Variants in TLE1 observed in about 807,000 individuals in gnomAD.
TLE1 encodes the protein TLE family member 1, transcriptional corepressor, also known as transducin-like enhancer protein 1.
TLE1 carries 21 observed loss-of-function variants against 89.8 expected under a neutral mutation model. That is an observed-to-expected ratio of 0.23 (90% confidence interval 0.17 to 0.34). The LOEUF (loss-of-function observed/expected upper bound fraction) is 0.34. Among genes scored for constraint, TLE1 ranks in the 10% least tolerant of loss-of-function variants. The probability of loss-of-function intolerance (pLI) is 1.00; values close to 1 mark genes in which losing one functional copy is unlikely to be tolerated. For synonymous variants in TLE1, 447 were observed against 407.6 expected, an observed-to-expected ratio of 1.10 and a Z score of -1.16; for missense variants, 795 against 1,031.2, an observed-to-expected ratio of 0.77 and a Z score of 3.14.
chr9:81,663,115 G>A (rs748185280), intron 4 of TLE1, among the ~76,000 whole-genome samples: 66 of 152,070 alleles, frequency 4.3e-4, no homozygotes, highest in Non-Finnish European at 7.6e-4. Flanking sequence ...CAAAGTGCTG[G>A]GATTACAGGC....
intron 4 of TLE1, among the ~76,000 whole-genome samples, chr9:81,654,351 G>A (rs1161766560): frequency 1.3e-5 from 2 of 151,936 alleles, no homozygotes; most frequent in Admixed American, 6.6e-5. Flanking sequence ...ATATATATAT[G>A]TATTTTTGAG....
intron 7 of TLE1, chr9:81,633,891 G>A (rs1400192447): frequency 1.9e-5 from 10 of 526,110 alleles, no homozygotes; most frequent in South Asian, 8.0e-5. Flanking sequence ...GCAATCTAAC[G>A]AGATCGAGAA....
At chr9:81,623,962 C>T (rs572115080) in intron 8 of TLE1, among the ~76,000 whole-genome samples, 2 of 152,232 alleles carry the variant, frequency 1.3e-5, no homozygotes, top group East Asian at 3.9e-4. Flanking sequence ...TGTCCAGAGA[C>T]AGAGGTGATT....
At chr9:81,670,479 CTG>C (rs1832075802) in intron 4 of TLE1, among the ~76,000 whole-genome samples, 1 of 152,242 alleles carries the variant, frequency 6.6e-6, no homozygotes, top group Non-Finnish European at 1.5e-5. Context: ...GCGTGCGCCA[CTG>C]TGCCCAGCTT....
At chr9:81,629,819 T>C (rs1256632416) in intron 8 of TLE1, among the ~76,000 whole-genome samples, 2 of 152,182 alleles carry the variant, frequency 1.3e-5, no homozygotes, top group South Asian at 2.1e-4. Context: ...TACGGTGTTA[T>C]ACACTTAGGG....
At chr9:81,681,090 G>A (rs1833564719) in intron 4 of TLE1, among the ~76,000 whole-genome samples, 1 of 152,108 alleles carries the variant, frequency 6.6e-6, no homozygotes, top group Admixed American at 6.5e-5. Flanking sequence ...AAATTTTAAA[G>A]CACACATCAA....
intron 7 of TLE1, chr9:81,633,586 T>C (rs1209570101): frequency 6.6e-6 from 4 of 603,746 alleles, no homozygotes; most frequent in Admixed American, 3.1e-5. Flanking sequence ...ACACAAAGCC[T>C]ATTTTTTTAT....
At chr9:81,678,588 G>A (rs946185859) in intron 4 of TLE1, among the ~76,000 whole-genome samples, 2 of 152,012 alleles carry the variant, frequency 1.3e-5, no homozygotes, top group South Asian at 2.1e-4. Flanking sequence ...GCTGAGGCAC[G>A]TGGCTCACTT....
At chr9:81,595,407 G>A (rs1052640472) in intron 14 of TLE1, among the ~76,000 whole-genome samples, 3 of 152,094 alleles carry the variant, frequency 2.0e-5, no homozygotes, top group South Asian at 4.1e-4. Context: ...AATGCTCAAC[G>A]AACAAAGTCC....
At chr9:81,587,927 TGTGTGTG>T in intron 16 of TLE1, 99 bp from the exon 17 acceptor site, 11 of 910,502 alleles carry the variant, frequency 1.2e-5, no homozygotes, top group South Asian at 4.0e-5. Flanking sequence ...TGTGTGTGTG[TGTGTGTG>T]TGTGTGTGTG....
intron 6 of TLE1, among the ~76,000 whole-genome samples, chr9:81,637,215 G>A (rs1051091233): frequency 1.3e-5 from 2 of 151,974 alleles, no homozygotes; most frequent in Admixed American, 6.6e-5. Flanking sequence ...CAAATTAGCC[G>A]GGCGTGGTGG....
intron 4 of TLE1, among the ~76,000 whole-genome samples, chr9:81,672,202 CTCAAATACTT>C (rs1832312658): frequency 6.6e-6 from 1 of 152,132 alleles, no homozygotes; most frequent in Non-Finnish European, 1.5e-5. Context: ...CCTGCTTTAT[CTCAAATACTT>C]ACAAAGACAC....
intron 1 of TLE1, 107 bp from the exon 2 acceptor site, chr9:81,687,541 A>C: frequency 1.2e-6 from 1 of 822,118 alleles, no homozygotes; most frequent in South Asian, 1.7e-5. Context: ...TAAAGTTAGA[A>C]GTGGCTGAAA....
At chr9:81,621,159 G>C (rs1020854407) in intron 8 of TLE1, among the ~76,000 whole-genome samples, 2 of 152,200 alleles carry the variant, frequency 1.3e-5, no homozygotes. Context: ...ATTTCAGCCA[G>C]TGAATCTTCA....
rs964998347 is a variant in TLE1 at position 81,629,462 on chromosome 9, C to T, written c.594+3886G>A. ...AAAACAGCCAAAATAATTTTTTAAA[C>T]CAAAGCCAAACCTCTATAAAGTTGC... On this transcript the variant is annotated intron_variant, in intron 8 of 19. Transcript: ENST00000376499. 4.6e-5 allele frequency among the ~76,000 whole-genome samples: 7 copies of T among 152,272 alleles called. No individual in the cohort carries two copies. In the East Asian group the frequency reaches 5.8e-4, roughly 13 times the overall value.
At chr9:81,624,422 C>A (rs926025103) in intron 8 of TLE1, among the ~76,000 whole-genome samples, 1 of 152,220 alleles carries the variant, frequency 6.6e-6, no homozygotes, top group Non-Finnish European at 1.5e-5. Context: ...CAGAGGTAAT[C>A]ATCCTACAGA....
intron 11 of TLE1, among the ~76,000 whole-genome samples, chr9:81,614,737 GTGGGTTCTGATGCA>G (rs1426379998): frequency 2.6e-5 from 4 of 152,116 alleles, no homozygotes; most frequent in Non-Finnish European, 5.9e-5. Flanking sequence ...GACCACATGA[GTGGGTTCTGATGCA>G]CCAGTTCCTG....
chr9:81,602,913 C>T (rs1185781656), intron 14 of TLE1, among the ~76,000 whole-genome samples: 1 of 151,922 alleles, frequency 6.6e-6, no homozygotes, highest in Non-Finnish European at 1.5e-5. Context: ...GGGAATGATG[C>T]TTTAACAAAG....
intron 4 of TLE1, among the ~76,000 whole-genome samples, chr9:81,679,797 C>G (rs952603801): frequency 2.0e-5 from 3 of 152,086 alleles, no homozygotes; most frequent in African/African-American, 7.2e-5. Flanking sequence ...CGAAATCAAT[C>G]AAAGCTTTGA....
Sources: gnomAD v4.1 joint callset for allele counts (sites outside exome capture counted in the v4.1 genomes callset) on GRCh38, gnomAD v4.1.1 for gene constraint, MANE v1.5 for transcripts, NCBI Gene and HGNC (gene_info 2026-07-23, HGNC 2026-07-21) for gene names.